The following GLRA3 variants were observed in gnomAD, a reference collection of about 807,000 sequenced individuals.
The protein encoded by GLRA3 is glycine receptor alpha 3.
GLRA3 carries 44 observed loss-of-function variants against 60.4 expected under a neutral mutation model. That is an observed-to-expected ratio of 0.73 (90% confidence interval 0.57 to 0.94). The LOEUF (loss-of-function observed/expected upper bound fraction) is 0.94. Ranked by LOEUF, GLRA3 falls within the 40% of genes least tolerant of loss-of-function variation. The pLI, the probability that GLRA3 is intolerant of heterozygous loss-of-function variation, is 0.00. For synonymous variants in GLRA3, 223 were observed against 192.9 expected (o/e 1.16, Z -1.29); for missense variants, 508 against 564.6 (o/e 0.90, Z 1.02).
At chr4:174,794,149 TA>T (rs893014008) in intron 1 of GLRA3, among the ~76,000 whole-genome samples, 57 of 152,130 alleles carry the variant, frequency 3.7e-4, no homozygotes, top group African/African-American at 1.3e-3. Flanking sequence ...AATAAGAAAA[TA>T]AAAAAATCAC....
intron 1 of GLRA3, among the ~76,000 whole-genome samples, chr4:174,811,330 CAG>C (rs1011087094): frequency 1.3e-5 from 2 of 152,106 alleles, no homozygotes; most frequent in Non-Finnish European, 2.9e-5. Context: ...CTTGGAATAG[CAG>C]ATGTTACCTT....
intron 3 of GLRA3, among the ~76,000 whole-genome samples, chr4:174,754,102 G>T (rs1219801652): frequency 6.6e-6 from 1 of 152,048 alleles, no homozygotes; most frequent in Non-Finnish European, 1.5e-5. Context: ...TTCTGTATGA[G>T]ATTTTTACCT....
chr4:174,709,846 T>C (rs1465537238), intron 5 of GLRA3, among the ~76,000 whole-genome samples: 1 of 152,092 alleles, frequency 6.6e-6, no homozygotes, highest in African/African-American at 2.4e-5. Context: ...TCAACTTTAG[T>C]GCAGTTATTT....
In GLRA3 at chr4:174,728,653, G is replaced by T; in HGVS notation, c.313C>A (p.Arg105Ser). The change falls in exon 4 of 10, where the codon CGC becomes AGC. Residue 105 changes from arginine to serine, a missense_variant. This residue lies in a region of GLRA3 where 329 missense variants were observed against 349.3 expected (regional missense o/e 0.94). Coordinates refer to ENST00000274093, the MANE Select transcript of GLRA3 (RefSeq NM_006529.4). ...IFLRQKWNDPRLAYSEYPDDS... is the reference protein window; with the variant it reads ...IFLRQKWNDPSLAYSEYPDDS... ...TCAGGATATTCACTGTACGCGAGGC[G>T]GGGATCATTCCATTTCTGACGAAGA... is the stretch of plus-strand genomic sequence containing the variant. 1 of 1,610,392 alleles carries T rather than the reference G, an allele frequency of 6.2e-7. No individual in the cohort carries two copies. The highest frequency in any genetic ancestry group is 8.5e-7 in the Non-Finnish European group (1 of 1,176,838).
chr4:174,743,324 A>G (rs1274399284), intron 3 of GLRA3, among the ~76,000 whole-genome samples: 2 of 152,180 alleles, frequency 1.3e-5, no homozygotes, highest in Non-Finnish European at 2.9e-5. Context: ...GTAGGATCTA[A>G]TCTAGGATCC....
chr4:174,719,401 C>T (rs1404487773), intron 4 of GLRA3, among the ~76,000 whole-genome samples: 6 of 151,932 alleles, frequency 3.9e-5, no homozygotes, highest in Non-Finnish European at 7.4e-5. Flanking sequence ...ATGCACATAT[C>T]AGTTATTTAT....
At chr4:174,765,345 CTCT>C (rs1716359302) in intron 3 of GLRA3, among the ~76,000 whole-genome samples, 1 of 152,058 alleles carries the variant, frequency 6.6e-6, no homozygotes, top group Non-Finnish European at 1.5e-5. Flanking sequence ...CCTATGCCCT[CTCT>C]TTTTTCCAAG....
chr4:174,687,992 GCAAAA>G (rs370537129), intron 5 of GLRA3, among the ~76,000 whole-genome samples: 1 of 151,606 alleles, frequency 6.6e-6, no homozygotes, highest in African/African-American at 2.4e-5. Context: ...TCAGAAGAAG[GCAAAA>G]CAAAACAAAA....
chr4:174,712,092 C>A (rs1735738528), intron 5 of GLRA3, among the ~76,000 whole-genome samples: 1 of 151,996 alleles, frequency 6.6e-6, no homozygotes, highest in Non-Finnish European at 1.5e-5. Context: ...CTTGCATAAG[C>A]CTCTTCCCCA....
At chr4:174,778,502 T>C (rs958853998) in intron 2 of GLRA3, among the ~76,000 whole-genome samples, 3 of 152,138 alleles carry the variant, frequency 2.0e-5, no homozygotes, top group Non-Finnish European at 2.9e-5. Flanking sequence ...ACAGCTCCTG[T>C]CTACAGCTCC....
At chr4:174,682,108 A>G (rs575204766) in intron 6 of GLRA3, among the ~76,000 whole-genome samples, 1 of 152,308 alleles carries the variant, frequency 6.6e-6, no homozygotes, top group East Asian at 1.9e-4. Context: ...ACTCACCACA[A>G]TGGAGTGATG....
intron 9 of GLRA3, among the ~76,000 whole-genome samples, chr4:174,654,399 G>A (rs540911241): frequency 6.6e-6 from 1 of 152,198 alleles, no homozygotes; most frequent in South Asian, 2.1e-4. Flanking sequence ...TCAAAATGCA[G>A]TCAATGATAT....
chr4:174,757,616 T>C (rs911449586), intron 3 of GLRA3, among the ~76,000 whole-genome samples: 2 of 152,056 alleles, frequency 1.3e-5, no homozygotes, highest in African/African-American at 4.8e-5. Flanking sequence ...GAATTTTAAC[T>C]CAAAGCATAA....
intron 3 of GLRA3, among the ~76,000 whole-genome samples, chr4:174,765,394 C>G (rs1738101305): frequency 6.6e-6 from 1 of 151,988 alleles, no homozygotes; most frequent in Non-Finnish European, 1.5e-5. Flanking sequence ...ATGGGTAAGA[C>G]TTTAAATCTT....
Position 174,788,949 on chromosome 4 carries a change from A to G in GLRA3, c.72-6T>C. On this transcript the variant is annotated splice_polypyrimidine_tract_variant and splice_region_variant and intron_variant, in intron 1 of 9. Transcript: ENST00000274093. ...TTTCCTTTGTGGCAACCAAACTACA[A>G]ATAAGAACAAAAATATAGACTTTAC... The G allele has an allele frequency of 6.4e-7, 1 of 1,558,776 alleles. No homozygotes were observed. Among genetic ancestry groups the G allele is most frequent in the South Asian group, 1.2e-5 (1 of 83,578 alleles).
intron 3 of GLRA3, among the ~76,000 whole-genome samples, chr4:174,755,764 A>G (rs11935752): frequency 0.95 from 143,939 of 152,158 alleles, 68,584 homozygotes; most frequent in East Asian, 1. Flanking sequence ...CAGTATAGTA[A>G]TTTCTGCAGA....
chr4:174,778,714 C>CA (rs1554020637), intron 2 of GLRA3, among the ~76,000 whole-genome samples: 5 of 152,084 alleles, frequency 3.3e-5, no homozygotes, highest in Admixed American at 1.3e-4. Context: ...AAAGGGGTGA[C>CA]GCACCTGGAA....
At chr4:174,735,407 G>C (rs1388915487) in intron 3 of GLRA3, among the ~76,000 whole-genome samples, 1 of 152,098 alleles carries the variant, frequency 6.6e-6, no homozygotes, top group African/African-American at 2.4e-5. Flanking sequence ...TAATACTTTT[G>C]CTCATGACCT....
chr4:174,749,665 T>A (rs1579548226), intron 3 of GLRA3, among the ~76,000 whole-genome samples: 1 of 151,822 alleles, frequency 6.6e-6, no homozygotes, highest in African/African-American at 2.4e-5. Context: ...AAAGAAAAAA[T>A]AAAATCTGGT....
Sources: gnomAD v4.1 joint callset for allele counts (sites outside exome capture counted in the v4.1 genomes callset) on GRCh38, gnomAD v4.1.1 for gene constraint, gnomAD v4.1.1 regional missense constraint, MANE v1.5 for transcripts, NCBI Gene and HGNC (gene_info 2026-07-23, HGNC 2026-07-21) for gene names.